GALNT13: variants seen among roughly 807,000 people sequenced by gnomAD.
GALNT13 encodes the protein UDP-GalNAc:polypeptide N-acetylgalactosaminyltransferase 13.
GALNT13 carries 28 observed loss-of-function variants against 64.2 expected under a neutral mutation model. The observed-to-expected ratio is 0.44, with a 90% CI of 0.32 to 0.60. The LOEUF is 0.60. Ranked by LOEUF, GALNT13 falls within the 20% of genes least tolerant of loss-of-function variation. The pLI is 0.05. For missense variants in GALNT13, 577 were observed against 669.8 expected, an observed-to-expected ratio of 0.86 and a Z score of 1.53; for synonymous variants, 214 against 224.6, an observed-to-expected ratio of 0.95 and a Z score of 0.42.
the GALNT13 span, among the ~76,000 whole-genome samples, chr2:153,795,552 T>G: frequency 2.0e-5 from 3 of 152,092 alleles, no homozygotes; most frequent in Admixed American, 6.5e-5. Context: ...TTTCTTTAGC[T>G]TTTGGAGGGA....
chr2:154,276,376 C>T (rs887554308), intron 8 of GALNT13, among the ~76,000 whole-genome samples: 2 of 151,930 alleles, frequency 1.3e-5, no homozygotes, highest in Non-Finnish European at 2.9e-5. Flanking sequence ...TGGGCCACCA[C>T]ATCTGGTTAA....
At chr2:153,120,294 G>T in the GALNT13 span, among the ~76,000 whole-genome samples, 4 of 152,188 alleles carry the variant, frequency 2.6e-5, no homozygotes, top group Admixed American at 2.6e-4. Context: ...TTTTCAGTAT[G>T]AAGGAAAATA....
rs144000267 is a variant in GALNT13, at chr2:154,422,893, G to A, written c.1395+13811G>A. Among the ~76,000 whole-genome samples the A allele has an allele frequency of 2.6e-5, 4 of 152,154 alleles. No homozygotes were observed. In the East Asian group the frequency reaches 7.7e-4, roughly 29 times the overall value. Reference sequence around the variant, plus strand: ...TCTTCACTCAGTGAGTTAACCAAGTGACCCGTGAGGTGGACTTATTTTTTT... The same window carrying A: ...TCTTCACTCAGTGAGTTAACCAAGTAACCCGTGAGGTGGACTTATTTTTTT... On this transcript the variant is annotated intron_variant, in intron 11 of 12. Coordinates refer to ENST00000392825, the MANE Select transcript of GALNT13 (RefSeq NM_052917.4).
intron 3 of GALNT13, among the ~76,000 whole-genome samples, chr2:154,045,318 A>T (rs1049541913): frequency 2.0e-5 from 3 of 152,218 alleles, no homozygotes; most frequent in African/African-American, 7.2e-5. Context: ...TGGAAGATAT[A>T]GGAGAGGTAC....
the GALNT13 span, among the ~76,000 whole-genome samples, chr2:153,486,818 A>G: frequency 1.1e-4 from 16 of 152,192 alleles, no homozygotes; most frequent in African/African-American, 3.9e-4. Context: ...CTTTCCATGT[A>G]CTCTTTAAAG....
the GALNT13 span, among the ~76,000 whole-genome samples, chr2:153,814,270 C>T: frequency 1.3e-5 from 2 of 152,126 alleles, no homozygotes; most frequent in Non-Finnish European, 2.9e-5. Context: ...GAAACCCCGT[C>T]TCTACTATAA....
chr2:153,978,961 A>T (rs949137826), intron 3 of GALNT13, among the ~76,000 whole-genome samples: 15 of 152,060 alleles, frequency 9.9e-5, no homozygotes, highest in African/African-American at 3.6e-4. Flanking sequence ...AATAAACAAT[A>T]AGGAAAGATA....
the GALNT13 span, among the ~76,000 whole-genome samples, chr2:153,834,513 A>C: frequency 4.1e-4 from 63 of 152,280 alleles, 3 homozygotes; most frequent in East Asian, 0.012. Flanking sequence ...GCATAAACAA[A>C]ATGCCAAGTG....
chr2:154,262,814 A>G (rs1167408783), intron 8 of GALNT13, among the ~76,000 whole-genome samples: 1 of 152,146 alleles, frequency 6.6e-6, no homozygotes, highest in Non-Finnish European at 1.5e-5. Context: ...TGGATTTTGG[A>G]GGATACATAG....
At chr2:153,923,828 A>G (rs1029712961) in intron 2 of GALNT13, among the ~76,000 whole-genome samples, 1 of 151,788 alleles carries the variant, frequency 6.6e-6, no homozygotes, top group Non-Finnish European at 1.5e-5. Context: ...GCTGAGAATG[A>G]TGGTTTCCAG....
intron 3 of GALNT13, among the ~76,000 whole-genome samples, chr2:153,989,601 T>C (rs1695028527): frequency 6.6e-6 from 1 of 151,902 alleles, no homozygotes; most frequent in Non-Finnish European, 1.5e-5. Flanking sequence ...GCAAGGTGGA[T>C]TACGTAAGGA....
the GALNT13 span, among the ~76,000 whole-genome samples, chr2:153,314,149 A>C: frequency 2.6e-5 from 4 of 152,206 alleles, no homozygotes; most frequent in African/African-American, 4.8e-5. Context: ...ATAACCTGAT[A>C]ATTTCACTAG....
the GALNT13 span, among the ~76,000 whole-genome samples, chr2:153,190,781 G>C: frequency 6.6e-6 from 1 of 151,822 alleles, no homozygotes; most frequent in Admixed American, 6.6e-5. Flanking sequence ...GTTTTGTAGA[G>C]GTCTTTCACA....
At chr2:153,182,545 A>G in the GALNT13 span, among the ~76,000 whole-genome samples, 1 of 152,132 alleles carries the variant, frequency 6.6e-6, no homozygotes. Context: ...GATTATCCCA[A>G]CACCTAGGTA....
the GALNT13 span, among the ~76,000 whole-genome samples, chr2:153,564,594 GTTTT>G: frequency 7.0e-6 from 1 of 142,128 alleles, no homozygotes; most frequent in Non-Finnish European, 1.6e-5. Flanking sequence ...ATGAGGATTA[GTTTT>G]TTTTTTTTTT....
chr2:154,318,286 T>G (rs1013391907), intron 9 of GALNT13, among the ~76,000 whole-genome samples: 1 of 152,190 alleles, frequency 6.6e-6, no homozygotes, highest in Non-Finnish European at 1.5e-5. Flanking sequence ...TACAGGAATT[T>G]AAATATTCCA....
chr2:153,329,606 C>T, the GALNT13 span, among the ~76,000 whole-genome samples: 91,795 of 151,958 alleles, frequency 0.6, 28,696 homozygotes, highest in Non-Finnish European at 0.67. Flanking sequence ...TGTCTTTTGA[C>T]TGTTTTTAAT....
the GALNT13 span, among the ~76,000 whole-genome samples, chr2:153,208,422 G>A: frequency 1.3e-5 from 2 of 151,934 alleles, no homozygotes; most frequent in Non-Finnish European, 2.9e-5. Context: ...GTTGCCTTTT[G>A]TGTTTTGAGT....
the GALNT13 span, among the ~76,000 whole-genome samples, chr2:153,610,589 C>T: frequency 1.3e-5 from 2 of 152,004 alleles, no homozygotes; most frequent in African/African-American, 4.8e-5. Flanking sequence ...GCAGGAGAAT[C>T]GCTTGAACCC....
Sources: gnomAD v4.1 joint callset for allele counts (sites outside exome capture counted in the v4.1 genomes callset) on GRCh38, gnomAD v4.1.1 for gene constraint, MANE v1.5 for transcripts, NCBI Gene and HGNC (gene_info 2026-07-23, HGNC 2026-07-21) for gene names.